Variants in HECW1 observed in about 807,000 individuals in gnomAD.
HECW1 encodes HECT, C2 and WW domain containing E3 ubiquitin protein ligase 1.
A neutral mutation model predicts 182.3 loss-of-function variants in HECW1; 61 were observed. That is an observed-to-expected ratio of 0.33 (90% CI 0.27 to 0.41). HECW1 has a LOEUF of 0.41. Ranked by LOEUF, HECW1 falls within the 10% of genes least tolerant of loss-of-function variation. The pLI is 1.00. For missense variants in HECW1, 1,739 were observed against 2,108.9 expected (o/e 0.82, Z 3.44); for synonymous variants, 859 against 832.6 (o/e 1.03, Z -0.55).
At chr7:43,536,931 T>C (rs1196842168) in intron 24 of HECW1, among the ~76,000 whole-genome samples, 1 of 152,244 alleles carries the variant, frequency 6.6e-6, no homozygotes, top group African/African-American at 2.4e-5. Flanking sequence ...GATGCGGGGC[T>C]GCAGCCTGGG....
intron 8 of HECW1, among the ~76,000 whole-genome samples, chr7:43,430,462 T>C (rs1156542677): frequency 1.3e-5 from 2 of 152,152 alleles, no homozygotes; most frequent in Non-Finnish European, 2.9e-5. Flanking sequence ...TCAAACCAAG[T>C]GGTAAAAAGC....
chr7:43,483,991 A>C (rs1207229189), intron 17 of HECW1, among the ~76,000 whole-genome samples: 1 of 152,182 alleles, frequency 6.6e-6, no homozygotes, highest in East Asian at 1.9e-4. Flanking sequence ...GACAAAGAGA[A>C]AACAAAGGGC....
chr7:43,329,827 G>T (rs983372944), intron 5 of HECW1, among the ~76,000 whole-genome samples: 1 of 152,162 alleles, frequency 6.6e-6, no homozygotes, highest in Non-Finnish European at 1.5e-5. Context: ...GTAAAGTAGT[G>T]TTTCTCAAAG....
At chr7:43,295,523 G>T (rs1020797015) in intron 3 of HECW1, among the ~76,000 whole-genome samples, 5 of 152,122 alleles carry the variant, frequency 3.3e-5, no homozygotes, top group African/African-American at 1.2e-4. Context: ...TACGGAGAAG[G>T]TCCCACTCCC....
chr7:43,381,573 C>T (rs1479747839), intron 6 of HECW1, among the ~76,000 whole-genome samples: 1 of 151,724 alleles, frequency 6.6e-6, no homozygotes, highest in Admixed American at 6.6e-5. Flanking sequence ...ACTGCAACCT[C>T]CACCTCCCGG....
At chr7:43,211,977 T>C (rs776812374) in intron 2 of HECW1, among the ~76,000 whole-genome samples, 4 of 152,146 alleles carry the variant, frequency 2.6e-5, no homozygotes, top group Non-Finnish European at 4.4e-5. Flanking sequence ...ATGCAAGGAG[T>C]TCTTAAGGGA....
chr7:43,304,535 G>C (rs1807297492), intron 3 of HECW1, among the ~76,000 whole-genome samples: 1 of 151,702 alleles, frequency 6.6e-6, no homozygotes, highest in Admixed American at 6.6e-5. Context: ...CTGTCACCCA[G>C]GCTGGAGTGC....
intron 2 of HECW1, among the ~76,000 whole-genome samples, chr7:43,199,163 T>G (rs1431888334): frequency 6.6e-6 from 1 of 152,244 alleles, no homozygotes; most frequent in East Asian, 1.9e-4. Context: ...GCCTCTGTGC[T>G]TCCCTTCTGC....
intron 3 of HECW1, among the ~76,000 whole-genome samples, chr7:43,302,661 T>C (rs975325395): frequency 5.9e-5 from 9 of 152,272 alleles, no homozygotes; most frequent in Middle Eastern, 3.4e-3. Context: ...CACCTCCCTT[T>C]CTCTCCTGTA....
intron 17 of HECW1, among the ~76,000 whole-genome samples, chr7:43,488,392 AAG>A (rs1563045234): frequency 1.9e-3 from 134 of 71,362 alleles, no homozygotes; most frequent in African/African-American, 4.2e-3. Flanking sequence ...GGAAGGAAGG[AAG>A]GAAGGAAATG....
chr7:43,255,596 T>TAA (rs72259446), intron 3 of HECW1, among the ~76,000 whole-genome samples: 2,765 of 117,122 alleles, frequency 0.024, 81 homozygotes, highest in African/African-American at 0.065. Flanking sequence ...AAACTCTGTC[T>TAA]AAAAAAAAAA....
intron 2 of HECW1, among the ~76,000 whole-genome samples, chr7:43,117,665 A>G (rs912675168): frequency 5.9e-5 from 9 of 152,220 alleles, no homozygotes; most frequent in Non-Finnish European, 1.3e-4. Flanking sequence ...AAGCCTCTTT[A>G]AATATTTTAG....
At chr7:43,250,585 G>A (rs533891710) in intron 3 of HECW1, among the ~76,000 whole-genome samples, 7 of 152,230 alleles carry the variant, frequency 4.6e-5, no homozygotes, top group South Asian at 4.2e-4. Context: ...AGAAGAGAGC[G>A]CCAGGAACGT....
intron 3 of HECW1, among the ~76,000 whole-genome samples, chr7:43,307,315 G>T (rs1316521382): frequency 1.3e-5 from 2 of 152,086 alleles, no homozygotes; most frequent in East Asian, 3.9e-4. Context: ...AGTTCATATT[G>T]TCTATCACCA....
At chr7:43,247,890 G>A (rs1052424053) in intron 3 of HECW1, among the ~76,000 whole-genome samples, 3 of 133,844 alleles carry the variant, frequency 2.2e-5, no homozygotes, top group Non-Finnish European at 3.2e-5. Flanking sequence ...GAAAGGGAGG[G>A]AGAGAGGAAG....
chr7:43,542,858 CT>C (rs1182808340), intron 26 of HECW1, among the ~76,000 whole-genome samples: 1 of 152,146 alleles, frequency 6.6e-6, no homozygotes, highest in Non-Finnish European at 1.5e-5. Flanking sequence ...TTGTTATGAC[CT>C]GGATCTACTT....
At chr7:43,333,013 T>C (rs906475099) in intron 5 of HECW1, among the ~76,000 whole-genome samples, 3 of 152,196 alleles carry the variant, frequency 2.0e-5, no homozygotes, top group African/African-American at 7.2e-5. Context: ...GACTGCTCTT[T>C]AGCCAATAGA....
chr7:43,212,889 T>A (rs1055983000), intron 2 of HECW1, among the ~76,000 whole-genome samples: 4 of 152,252 alleles, frequency 2.6e-5, no homozygotes, highest in Non-Finnish European at 5.9e-5. Flanking sequence ...CAAAGAGGAC[T>A]GGCTTTGCCA....
chr7:43,386,390 T>C (rs2074798696), intron 6 of HECW1, among the ~76,000 whole-genome samples: 2 of 151,980 alleles, frequency 1.3e-5, no homozygotes, highest in African/African-American at 2.4e-5. Context: ...TATTTGGAGG[T>C]TGAAGGTGGA....
Sources: gnomAD v4.1 joint callset for allele counts (sites outside exome capture counted in the v4.1 genomes callset) on GRCh38, gnomAD v4.1.1 for gene constraint, MANE v1.5 for transcripts, NCBI Gene and HGNC (gene_info 2026-07-23, HGNC 2026-07-21) for gene names.